The following FAM3C variants were observed in gnomAD, a reference collection of about 807,000 sequenced individuals.
The protein encoded by FAM3C is FAM3 metabolism regulating signaling molecule C.
In FAM3C, 15 loss-of-function variants were observed where a neutral mutation model predicts 32.5. The observed-to-expected ratio is 0.46, with a 90% CI of 0.31 to 0.71. FAM3C has a LOEUF of 0.71. FAM3C is among the 30% of genes least tolerant of loss of function. FAM3C has a pLI of 0.05. For missense variants in FAM3C, 175 were observed against 274.4 expected (o/e 0.64, Z 2.56); for synonymous variants, 75 against 86.1 (o/e 0.87, Z 0.72).
At chr7:121,378,398 C>T (rs1444894302) in intron 3 of FAM3C, among the ~76,000 whole-genome samples, 1 of 152,070 alleles carries the variant, frequency 6.6e-6, no homozygotes, top group African/African-American at 2.4e-5. Context: ...CAGCTCACCA[C>T]AGCCTGGAAC....
intron 5 of FAM3C, among the ~76,000 whole-genome samples, chr7:121,369,999 G>C (rs1354006939): frequency 2.0e-5 from 3 of 152,220 alleles, no homozygotes; most frequent in Admixed American, 2.0e-4. Context: ...GGGCAGAATA[G>C]ATGTCCAAAA....
chr7:121,359,433 A>G (rs1361145650), intron 8 of FAM3C, among the ~76,000 whole-genome samples: 3 of 152,062 alleles, frequency 2.0e-5, no homozygotes, highest in African/African-American at 7.2e-5. Flanking sequence ...TGCTATAAAT[A>G]CTAGCATTCT....
intron 6 of FAM3C, among the ~76,000 whole-genome samples, chr7:121,363,804 C>T (rs963519621): frequency 1.3e-5 from 2 of 152,102 alleles, no homozygotes; most frequent in African/African-American, 2.4e-5. Context: ...TCATTTCATA[C>T]GCCTTTAATC....
intron 1 of FAM3C, among the ~76,000 whole-genome samples, chr7:121,390,726 C>T (rs1168314303): frequency 6.6e-6 from 1 of 151,398 alleles, no homozygotes; most frequent in African/African-American, 2.4e-5. Context: ...AATCAGAATC[C>T]CTAGGAGTGG....
intron 2 of FAM3C, 131 bp downstream of exon 2, chr7:121,382,825 AG>A (rs1487653216): frequency 4.6e-6 from 3 of 649,570 alleles, no homozygotes; most frequent in Non-Finnish European, 7.5e-6. Flanking sequence ...CTAAAAACAA[AG>A]GGCTGAATGA....
intron 1 of FAM3C, among the ~76,000 whole-genome samples, chr7:121,388,651 G>T (rs1794514344): frequency 6.6e-6 from 1 of 152,042 alleles, no homozygotes; most frequent in Non-Finnish European, 1.5e-5. Flanking sequence ...GAATACAGAT[G>T]ATCTATGCCT....
intron 1 of FAM3C, among the ~76,000 whole-genome samples, chr7:121,392,529 G>T (rs1161227762): frequency 1.3e-5 from 2 of 152,174 alleles, no homozygotes; most frequent in African/African-American, 4.8e-5. Flanking sequence ...AATTTGAGAT[G>T]AGATTTGAGT....
chr7:121,355,301 G>A (rs1294161421), intron 8 of FAM3C, among the ~76,000 whole-genome samples: 1 of 152,160 alleles, frequency 6.6e-6, no homozygotes, highest in Non-Finnish European at 1.5e-5. Flanking sequence ...GGAACTTGTT[G>A]AAATAATCAT....
chr7:121,387,385 A>G (rs559382701), intron 1 of FAM3C, among the ~76,000 whole-genome samples: 1 of 152,302 alleles, frequency 6.6e-6, no homozygotes, highest in South Asian at 2.1e-4. Context: ...GGCTACGTGT[A>G]GGACATACAA....
At chr7:121,394,934 C>T (rs769666751) in intron 1 of FAM3C, among the ~76,000 whole-genome samples, 2 of 152,168 alleles carry the variant, frequency 1.3e-5, no homozygotes, top group Non-Finnish European at 2.9e-5. Flanking sequence ...GTTCCCAAGA[C>T]TTAAGAAAAC....
intron 5 of FAM3C, among the ~76,000 whole-genome samples, chr7:121,369,028 G>A (rs1314806907): frequency 7.1e-6 from 1 of 140,910 alleles, no homozygotes; most frequent in Non-Finnish European, 1.5e-5. Flanking sequence ...CACCCAGGCT[G>A]CAGTGCAGTG....
chr7:121,363,158 T>C (rs1233473126), intron 6 of FAM3C, among the ~76,000 whole-genome samples: 1 of 152,184 alleles, frequency 6.6e-6, no homozygotes, highest in African/African-American at 2.4e-5. Context: ...TAAAGGGTAA[T>C]TTCTTAATAG....
chr7:121,395,825 C>A (rs920200406), intron 1 of FAM3C, among the ~76,000 whole-genome samples: 4 of 152,066 alleles, frequency 2.6e-5, no homozygotes, highest in African/African-American at 9.7e-5. Context: ...CCACAGCCAA[C>A]CTGGGGAAGA....
chr7:121,360,540 A>T (rs1793898195), intron 7 of FAM3C, among the ~76,000 whole-genome samples: 1 of 152,212 alleles, frequency 6.6e-6, no homozygotes, highest in South Asian at 2.1e-4. Flanking sequence ...AAGTGTATGT[A>T]AAATTGTATG....
intron 2 of FAM3C, 80 bp from the exon 3 acceptor site, chr7:121,379,094 A>C: frequency 1.3e-6 from 1 of 794,740 alleles, no homozygotes; most frequent in Non-Finnish European, 2.1e-6. Context: ...AATGTTTATA[A>C]ATTTTTTAAG....
At position 121,371,317 on chromosome 7, in the gene FAM3C, G is replaced by C. The variant is rs747125032; in HGVS notation, c.255C>G (p.Ile85Met). Residue 85 changes from isoleucine (I) to methionine (M), a missense_variant, in exon 5 of 10, where the codon ATC becomes ATG. By Grantham distance (10) the Ile-to-Met change is conservative. Coordinates refer to ENST00000359943, the MANE Select transcript of FAM3C (RefSeq NM_014888.3). ...SGAANVVGPK[I>M]CLEDNVLMSG... ...AGACTTACACATTATCTTCCAGGCA[G>C]ATTTTGGGTCCCACCACGTTGGCTG... 1 of 1,613,260 alleles carries C rather than the reference G, an allele frequency of 6.2e-7. No individual in the cohort carries two copies. The highest frequency in any genetic ancestry group is 1.1e-5 in the South Asian group (1 of 91,020).
chr7:121,356,792 CTCAT>C (rs568558988), intron 8 of FAM3C, among the ~76,000 whole-genome samples: 17 of 152,256 alleles, frequency 1.1e-4, no homozygotes, highest in African/African-American at 3.9e-4. Context: ...GTTTAGCTTG[CTCAT>C]TCAAACCATT....
Position 121,364,458 on chromosome 7 carries a change from C to T in FAM3C, c.273-270G>A, listed in dbSNP as rs193136893. 5.7e-5 allele frequency: 20 copies of T among 349,826 alleles called. No individual in the cohort carries two copies. In the East Asian group the frequency reaches 9.0e-4, roughly 16 times the overall value. The allele number at this position is 349,826 out of a possible 1,614,324, so 21.7% of individuals were successfully genotyped here. ...AATAATAGACCATTTTTGTGCTACA[C>T]TGCTTCAGATTATTCTTAAAACATG... On this transcript the variant is annotated intron_variant, in intron 5 of 9. Transcript: ENST00000359943.
chr7:121,366,559 T>C (rs1265375928), intron 5 of FAM3C, among the ~76,000 whole-genome samples: 1 of 152,128 alleles, frequency 6.6e-6, no homozygotes, highest in Non-Finnish European at 1.5e-5. Context: ...AAGAAAGGCA[T>C]AGAAGGATAT....
Sources: gnomAD v4.1 joint callset for allele counts (sites outside exome capture counted in the v4.1 genomes callset) on GRCh38, gnomAD v4.1.1 for gene constraint, MANE v1.5 for transcripts, NCBI Gene and HGNC (gene_info 2026-07-23, HGNC 2026-07-21) for gene names.